The following GMDS variants were observed in gnomAD, a reference collection of about 807,000 sequenced individuals.
GMDS encodes the protein GDP-mannose 4,6-dehydratase.
Under a neutral mutation model 49.9 loss-of-function variants are expected in GMDS, and 20 were observed. The observed-to-expected ratio is 0.40, with a 90% CI of 0.28 to 0.58. GMDS has a LOEUF of 0.58. Ranked by LOEUF, GMDS falls within the 20% of genes least tolerant of loss-of-function variation. The pLI, the probability that GMDS is intolerant of heterozygous loss-of-function variation, is 0.42. For synonymous variants in GMDS, 177 were observed against 178.6 expected, an observed-to-expected ratio of 0.99 and a Z score of 0.07; for missense variants, 362 against 481.4, an observed-to-expected ratio of 0.75 and a Z score of 2.32.
At chr6:1,918,585 A>C (rs1228995608) in intron 7 of GMDS, among the ~76,000 whole-genome samples, 1 of 151,556 alleles carries the variant, frequency 6.6e-6, no homozygotes, top group East Asian at 1.9e-4. Context: ...ATCTCTACTA[A>C]AAAGAAAAAA....
chr6:1,656,648 C>T (rs958819291), intron 9 of GMDS, among the ~76,000 whole-genome samples: 1 of 151,772 alleles, frequency 6.6e-6, no homozygotes, highest in Non-Finnish European at 1.5e-5. Flanking sequence ...CCTGTAATCC[C>T]AAGTGCTCAG....
At chr6:1,770,292 T>C (rs1049879374) in intron 7 of GMDS, among the ~76,000 whole-genome samples, 1 of 152,188 alleles carries the variant, frequency 6.6e-6, no homozygotes, top group African/African-American at 2.4e-5. Flanking sequence ...GAAATTTGGA[T>C]TTTCAGAGAG....
chr6:1,804,274 C>T (rs932912766), intron 7 of GMDS, among the ~76,000 whole-genome samples: 1 of 152,264 alleles, frequency 6.6e-6, no homozygotes, highest in Non-Finnish European at 1.5e-5. Context: ...CTCACTGCTA[C>T]GTGGCGAGTT....
intron 7 of GMDS, among the ~76,000 whole-genome samples, chr6:1,869,813 C>T (rs1437494263): frequency 1.3e-5 from 2 of 152,190 alleles, no homozygotes; most frequent in Non-Finnish European, 2.9e-5. Flanking sequence ...GTGGAGGACC[C>T]ACTGATCCCT....
intron 1 of GMDS, among the ~76,000 whole-genome samples, chr6:2,241,413 G>C (rs1334764628): frequency 6.6e-6 from 1 of 152,148 alleles, no homozygotes; most frequent in African/African-American, 2.4e-5. Context: ...ATTGTATTTT[G>C]CATGTGAGAA....
chr6:1,703,873 G>C (rs978146614), intron 9 of GMDS, among the ~76,000 whole-genome samples: 2 of 152,246 alleles, frequency 1.3e-5, no homozygotes, highest in African/African-American at 4.8e-5. Context: ...CTATGTTTAA[G>C]ACTTAGAGTA....
intron 7 of GMDS, among the ~76,000 whole-genome samples, chr6:1,848,028 A>G (rs1470688545): frequency 2.0e-5 from 3 of 152,204 alleles, no homozygotes; most frequent in African/African-American, 7.2e-5. Context: ...AGGAAGTGAC[A>G]TCGAAATGAG....
chr6:1,830,916 A>G (rs1756606876), intron 7 of GMDS, among the ~76,000 whole-genome samples: 2 of 152,188 alleles, frequency 1.3e-5, no homozygotes, highest in South Asian at 4.1e-4. Context: ...ACTTCAGAAA[A>G]TGTAGTCCTT....
chr6:1,744,429 C>T (rs1046581982), intron 7 of GMDS, among the ~76,000 whole-genome samples: 9 of 152,072 alleles, frequency 5.9e-5, no homozygotes, highest in Admixed American at 3.9e-4. Flanking sequence ...GTGAACTGAG[C>T]CACAAGACTT....
chr6:1,667,694 A>ATTTT (rs3839497), intron 9 of GMDS, among the ~76,000 whole-genome samples: 2 of 145,252 alleles, frequency 1.4e-5, no homozygotes, highest in African/African-American at 2.6e-5. Context: ...GCACTTTTGT[A>ATTTT]TTTTTTTTTC....
At chr6:1,674,558 CTCTTTTT>C (rs1422141252) in intron 9 of GMDS, among the ~76,000 whole-genome samples, 9 of 71,430 alleles carry the variant, frequency 1.3e-4, no homozygotes, top group African/African-American at 4.4e-4. Flanking sequence ...CTCTCTCTCT[CTCTTTTT>C]TTTTTTTTTT....
chr6:1,944,295 A>G lies in GMDS; in HGVS notation c.644-14065T>C, dbSNP rs530458687. On this transcript the variant is annotated intron_variant, in intron 6 of 10. Transcript: ENST00000380815. ...GCCGAGGCGGACGGATCACGAGATCAGGAGTTCGAGACCATCCTGGCTAAC... is the reference window on the plus strand; with the variant it reads ...GCCGAGGCGGACGGATCACGAGATCGGGAGTTCGAGACCATCCTGGCTAAC... Among the ~76,000 whole-genome samples, 20 of 152,292 alleles carry G rather than the reference A, an allele frequency of 1.3e-4. No homozygotes were observed. The East Asian group carries it at 3.7e-3, about 28-fold the overall frequency.
intron 6 of GMDS, among the ~76,000 whole-genome samples, chr6:1,949,368 T>C (rs1763232631): frequency 6.6e-6 from 1 of 152,196 alleles, no homozygotes; most frequent in Non-Finnish European, 1.5e-5. Flanking sequence ...GTATATATAC[T>C]GCGTGGCTAT....
At chr6:1,989,106 C>T (rs1765759378) in intron 4 of GMDS, among the ~76,000 whole-genome samples, 1 of 152,164 alleles carries the variant, frequency 6.6e-6, no homozygotes, top group African/African-American at 2.4e-5. Flanking sequence ...TTCCACATGA[C>T]AGAACTGGCA....
At chr6:2,127,782 C>T (rs757193937) in intron 1 of GMDS, among the ~76,000 whole-genome samples, 4 of 152,196 alleles carry the variant, frequency 2.6e-5, no homozygotes, top group Admixed American at 6.5e-5. Flanking sequence ...AGCAGGCAGA[C>T]GTCCGCCAAG....
intron 4 of GMDS, among the ~76,000 whole-genome samples, chr6:1,993,547 A>G (rs1388572791): frequency 6.6e-6 from 1 of 152,210 alleles, no homozygotes; most frequent in African/African-American, 2.4e-5. Flanking sequence ...ACGGAAAGTA[A>G]AAGATGATCC....
chr6:2,027,496 CT>C (rs1278527577), intron 4 of GMDS, among the ~76,000 whole-genome samples: 1 of 152,050 alleles, frequency 6.6e-6, no homozygotes, highest in East Asian at 1.9e-4. Flanking sequence ...GGGAGAAATT[CT>C]TGCAAGTCCA....
intron 2 of GMDS, among the ~76,000 whole-genome samples, chr6:2,121,398 C>A (rs1775131896): frequency 1.3e-5 from 2 of 152,176 alleles, no homozygotes; most frequent in Non-Finnish European, 2.9e-5. Flanking sequence ...CTCATGCTCT[C>A]CTTAACATTT....
chr6:1,857,590 C>T (rs560496396), intron 7 of GMDS, among the ~76,000 whole-genome samples: 1 of 152,246 alleles, frequency 6.6e-6, no homozygotes, highest in South Asian at 2.1e-4. Context: ...AATATATTTG[C>T]TTCCTGTTTG....
Sources: allele counts gnomAD v4.1 joint callset (sites outside exome capture counted in the v4.1 genomes callset), GRCh38; gene constraint gnomAD v4.1.1; transcripts MANE v1.5; gene names NCBI Gene and HGNC (gene_info 2026-07-23, HGNC 2026-07-21).